The following PRKCH variants were observed in gnomAD, a reference collection of about 807,000 sequenced individuals.
PRKCH encodes the protein protein kinase C eta.
In PRKCH, 28 loss-of-function variants were observed where a neutral mutation model predicts 82.5. The observed-to-expected ratio is 0.34, with a 90% CI of 0.25 to 0.47. The LOEUF (loss-of-function observed/expected upper bound fraction) is 0.47, where lower values mean the gene tolerates loss of function less well. PRKCH is among the 20% of genes least tolerant of loss of function. PRKCH has a pLI of 1.00. For missense variants in PRKCH, 705 were observed against 881.8 expected (o/e 0.80, Z 2.54); for synonymous variants, 322 against 327.4 (o/e 0.98, Z 0.18).
Position 61,453,156 on chromosome 14 carries a change from G to A in PRKCH, c.833-70G>A, listed in dbSNP as rs901214376. 14 of 1,581,444 alleles carry A rather than the reference G, an allele frequency of 8.9e-6. No individual in the cohort carries two copies. The African/African-American group carries it at 1.9e-4, about 21-fold the overall frequency. On this transcript the variant is annotated intron_variant, in intron 6 of 13. Coordinates refer to ENST00000332981, the MANE Select transcript of PRKCH (RefSeq NM_006255.5). Reference sequence around the variant, plus strand: ...TGTTATAATCTTTTAGGCTATTAAAGTTCTCTGTTGCAGCACATGTTGAAT... The same window carrying A: ...TGTTATAATCTTTTAGGCTATTAAAATTCTCTGTTGCAGCACATGTTGAAT...
At chr14:61,373,730 A>G (rs182948245) in intron 1 of PRKCH, among the ~76,000 whole-genome samples, 1 of 152,184 alleles carries the variant, frequency 6.6e-6, no homozygotes, top group Non-Finnish European at 1.5e-5. Flanking sequence ...CCTCCTGAGT[A>G]GTTGGGACTA....
intron 2 of PRKCH, among the ~76,000 whole-genome samples, chr14:61,424,584 C>A (rs1883013964): frequency 6.6e-6 from 1 of 152,092 alleles, no homozygotes; most frequent in Admixed American, 6.6e-5. Flanking sequence ...GAAATTGGAA[C>A]TTATTTAAAA....
chr14:61,315,909 A>G lies in PRKCH; in HGVS notation c.-19+128241A>G, dbSNP rs551352130. On this transcript the variant is annotated intron_variant, in intron 1 of 3. Coordinates refer to the PRKCH transcript ENST00000555185. Reference sequence around the variant, plus strand: ...ATTACAGGGACATACCACCACGCCCAGCTAATTTTTGAATTTTTAGTAGAG... The same window carrying G: ...ATTACAGGGACATACCACCACGCCCGGCTAATTTTTGAATTTTTAGTAGAG... Among the ~76,000 whole-genome samples, 4 of 151,916 alleles carry G rather than the reference A, an allele frequency of 2.6e-5. No individual in the cohort carries two copies. The South Asian group carries it at 8.3e-4, about 32-fold the overall frequency.
intron 2 of PRKCH, among the ~76,000 whole-genome samples, chr14:61,432,457 C>A (rs576256847): frequency 3.9e-4 from 60 of 152,142 alleles, no homozygotes; most frequent in Non-Finnish European, 6.9e-4. Flanking sequence ...TCTCAGTTTT[C>A]TGAAATATCT....
At chr14:61,200,829 C>A (rs192665399) in intron 1 of PRKCH, among the ~76,000 whole-genome samples, 35 of 152,104 alleles carry the variant, frequency 2.3e-4, no homozygotes, top group Middle Eastern at 3.4e-3. Flanking sequence ...AATTAAACTT[C>A]ATCATAGGTA....
chr14:61,440,845 G>C (rs1883927461), intron 2 of PRKCH, among the ~76,000 whole-genome samples: 1 of 152,040 alleles, frequency 6.6e-6, no homozygotes, highest in Non-Finnish European at 1.5e-5. Flanking sequence ...CTGCACTCCA[G>C]CCTGGTGACA....
intron 1 of PRKCH, among the ~76,000 whole-genome samples, chr14:61,243,323 G>A (rs1465993558): frequency 1.3e-5 from 2 of 149,930 alleles, no homozygotes; most frequent in African/African-American, 4.9e-5. Flanking sequence ...GCTTGAACTC[G>A]GGAGGTGGAG....
intron 9 of PRKCH, among the ~76,000 whole-genome samples, chr14:61,473,559 GAAGCCTAAAGA>G (rs1476258606): frequency 6.6e-6 from 1 of 152,234 alleles, no homozygotes. Flanking sequence ...TGGCCATTTG[GAAGCCTAAAGA>G]GAATGGAATA....
chr14:61,453,865 G>A (rs558632239), intron 7 of PRKCH, among the ~76,000 whole-genome samples: 39 of 151,416 alleles, frequency 2.6e-4, no homozygotes, highest in South Asian at 8.4e-4. Flanking sequence ...ACTTTGTTGC[G>A]CAGGCTGGTC....
At chr14:61,518,009 G>A (rs1311007778) in intron 10 of PRKCH, among the ~76,000 whole-genome samples, 2 of 152,174 alleles carry the variant, frequency 1.3e-5, no homozygotes, top group African/African-American at 4.8e-5. Flanking sequence ...AAGCAAAGCC[G>A]ACCCAGTGGT....
At chr14:61,475,977 C>T (rs1051790463) in intron 9 of PRKCH, among the ~76,000 whole-genome samples, 2 of 152,128 alleles carry the variant, frequency 1.3e-5, no homozygotes, top group African/African-American at 4.8e-5. Context: ...TTTGTAATTA[C>T]ATTTGAACTA....
At chr14:61,234,186 C>G (rs530959764) in intron 1 of PRKCH, among the ~76,000 whole-genome samples, 1 of 152,156 alleles carries the variant, frequency 6.6e-6, no homozygotes, top group African/African-American at 2.4e-5. Context: ...GAAGACATAA[C>G]CCACCCCTAT....
At chr14:61,488,491 G>A (rs1886324688) in intron 10 of PRKCH, among the ~76,000 whole-genome samples, 1 of 152,196 alleles carries the variant, frequency 6.6e-6, no homozygotes, top group East Asian at 1.9e-4. Flanking sequence ...ACTGCTAACT[G>A]GTAGTGAAGT....
rs535776099 is a variant in PRKCH, at chr14:61,266,253, A to G, written c.-19+78585A>G. Reference sequence around the variant, plus strand: ...GCAGGCATGGTGAAACCCCGACTCTACTAAAAATACAAAAATTAGCTGGGT... The same window carrying G: ...GCAGGCATGGTGAAACCCCGACTCTGCTAAAAATACAAAAATTAGCTGGGT... On this transcript the variant is annotated intron_variant, in intron 1 of 3. Coordinates refer to the PRKCH transcript ENST00000555185. 2.3e-4 allele frequency among the ~76,000 whole-genome samples: 35 copies of G among 151,646 alleles called. No homozygotes were observed. In the South Asian group the frequency reaches 3.8e-3, roughly 16 times the overall value.
At chr14:61,225,964 A>G (rs1229763153) in intron 1 of PRKCH, among the ~76,000 whole-genome samples, 3 of 152,186 alleles carry the variant, frequency 2.0e-5, no homozygotes, top group African/African-American at 7.2e-5. Context: ...GGGAAGACAT[A>G]AATATAATCT....
At chr14:61,499,261 C>A (rs1023479986) in intron 10 of PRKCH, among the ~76,000 whole-genome samples, 4 of 152,170 alleles carry the variant, frequency 2.6e-5, no homozygotes, top group African/African-American at 9.7e-5. Flanking sequence ...TTGCAAATGT[C>A]AAATTGTACT....
chr14:61,486,449 T>C (rs1305794782), intron 10 of PRKCH, among the ~76,000 whole-genome samples: 2 of 152,156 alleles, frequency 1.3e-5, no homozygotes, highest in African/African-American at 4.8e-5. Context: ...TAATATACCA[T>C]ACTTTGAATG....
chr14:61,394,427 A>G (rs2046738969), intron 2 of PRKCH, among the ~76,000 whole-genome samples: 1 of 152,234 alleles, frequency 6.6e-6, no homozygotes, highest in African/African-American at 2.4e-5. Context: ...TTGATAAAAC[A>G]TTCTCATCAT....
chr14:61,439,777 G>A (rs1363375827), intron 2 of PRKCH, among the ~76,000 whole-genome samples: 1 of 152,084 alleles, frequency 6.6e-6, no homozygotes, highest in Non-Finnish European at 1.5e-5. Context: ...AAGAGGGAAG[G>A]GCCGTTTAGG....
Sources: gnomAD v4.1 joint callset for allele counts (sites outside exome capture counted in the v4.1 genomes callset) on GRCh38, gnomAD v4.1.1 for gene constraint, MANE v1.5 for transcripts, NCBI Gene and HGNC (gene_info 2026-07-23, HGNC 2026-07-21) for gene names.